VPS50: variants seen among roughly 807,000 people sequenced by gnomAD.
VPS50 encodes syndetin.
A neutral mutation model predicts 139.7 loss-of-function variants in VPS50; 70 were observed. That is an observed-to-expected ratio of 0.50 (90% CI 0.41 to 0.61). The LOEUF is 0.61. VPS50 is among the 20% of genes least tolerant of loss of function. The pLI, the probability that VPS50 is intolerant of heterozygous loss-of-function variation, is 0.00. For missense variants in VPS50, 921 were observed against 1,133.7 expected (o/e 0.81, Z 2.69); for synonymous variants, 365 against 376.7 (o/e 0.97, Z 0.36).
intron 8 of VPS50, 79 bp downstream of exon 8, chr7:93,258,471 T>C: frequency 9.7e-7 from 1 of 1,034,238 alleles, no homozygotes; most frequent in Non-Finnish European, 1.5e-6. Flanking sequence ...AGAAGTGCAT[T>C]TTTCTCAAAT....
intron 12 of VPS50, among the ~76,000 whole-genome samples, chr7:93,279,472 C>T (rs1205604393): frequency 6.6e-6 from 1 of 152,128 alleles, no homozygotes; most frequent in African/African-American, 2.4e-5. Flanking sequence ...CAAGGCATAA[C>T]TCAGGCAAGA....
intron 22 of VPS50, among the ~76,000 whole-genome samples, chr7:93,338,681 G>A (rs986909566): frequency 6.6e-6 from 1 of 152,168 alleles, no homozygotes; most frequent in East Asian, 1.9e-4. Flanking sequence ...TTGTAAACAG[G>A]TAATAGCATG....
chr7:93,236,321 T>C (rs932284893), intron 1 of VPS50, among the ~76,000 whole-genome samples: 1 of 151,836 alleles, frequency 6.6e-6, no homozygotes, highest in Non-Finnish European at 1.5e-5. Context: ...CAGGAGAAAA[T>C]AGGGGGAGAG....
At chr7:93,251,252 A>G (rs558871707) in intron 2 of VPS50, among the ~76,000 whole-genome samples, 2 of 152,340 alleles carry the variant, frequency 1.3e-5, no homozygotes, top group South Asian at 4.1e-4. Flanking sequence ...CACTATTCAC[A>G]ATAGCAGAGA....
chr7:93,353,542 T>C, intron 25 of VPS50, 98 bp from the exon 26 acceptor site: 1 of 1,337,552 alleles, frequency 7.5e-7, no homozygotes, highest in South Asian at 1.4e-5. Context: ...GGTTTGATTC[T>C]GAGTCTTTCT....
chr7:93,262,973 A>T (rs748789900), intron 9 of VPS50, among the ~76,000 whole-genome samples: 24 of 152,228 alleles, frequency 1.6e-4, no homozygotes, highest in Non-Finnish European at 3.2e-4. Flanking sequence ...ACAAAGATAA[A>T]AGACATTGTT....
chr7:93,349,708 T>C (rs1175365228), intron 24 of VPS50, among the ~76,000 whole-genome samples, 167 bp from the exon 25 acceptor site: 4 of 152,222 alleles, frequency 2.6e-5, no homozygotes, highest in African/African-American at 9.7e-5. Flanking sequence ...GAGTAAGGCC[T>C]TTGCCTTCAC....
At chr7:93,301,428 G>A (rs1266317706) in intron 16 of VPS50, among the ~76,000 whole-genome samples, 2 of 151,936 alleles carry the variant, frequency 1.3e-5, no homozygotes, top group East Asian at 1.9e-4. Context: ...TTGTAACTGC[G>A]TTTACCTTCT....
intron 11 of VPS50, chr7:93,275,810 C>G (rs1796137054): frequency 5.3e-6 from 1 of 187,904 alleles, no homozygotes; most frequent in Admixed American, 5.5e-5. Context: ...TTGAGAAGTG[C>G]ACTGAATGAT....
At chr7:93,283,244 T>C (rs1310715791) in intron 12 of VPS50, among the ~76,000 whole-genome samples, 1 of 151,566 alleles carries the variant, frequency 6.6e-6, no homozygotes, top group African/African-American at 2.4e-5. Flanking sequence ...TTTTTTTTTT[T>C]TGAGGCGGAG....
intron 27 of VPS50, among the ~76,000 whole-genome samples, chr7:93,356,986 C>T (rs1047812990): frequency 2.0e-5 from 3 of 152,060 alleles, no homozygotes; most frequent in Admixed American, 6.6e-5. Flanking sequence ...TACTCAGTTT[C>T]GGATCTTTAG....
chr7:93,242,557 T>C (rs921861304), intron 2 of VPS50, among the ~76,000 whole-genome samples: 29 of 151,840 alleles, frequency 1.9e-4, no homozygotes, highest in African/African-American at 6.8e-4. Flanking sequence ...TAGTTTTGCT[T>C]AGGGGAGTAC....
At chr7:93,332,239 C>T (rs535435678) in intron 21 of VPS50, among the ~76,000 whole-genome samples, 1 of 152,338 alleles carries the variant, frequency 6.6e-6, no homozygotes, top group South Asian at 2.1e-4. Flanking sequence ...TTCTGGCTAG[C>T]AGATGGTTGC....
At chr7:93,332,386 T>G (rs1295810303) in intron 21 of VPS50, among the ~76,000 whole-genome samples, 1 of 152,180 alleles carries the variant, frequency 6.6e-6, no homozygotes, top group African/African-American at 2.4e-5. Context: ...TAAAGCTGAT[T>G]TTATCTCCCA....
chr7:93,272,161 T>C (rs1796028395), intron 10 of VPS50, among the ~76,000 whole-genome samples: 1 of 151,826 alleles, frequency 6.6e-6, no homozygotes, highest in South Asian at 2.1e-4. Flanking sequence ...CCATAAAGCA[T>C]GGTAATTTAG....
chr7:93,294,224 C>G (rs1796735927), intron 13 of VPS50, among the ~76,000 whole-genome samples: 1 of 151,784 alleles, frequency 6.6e-6, no homozygotes, highest in Non-Finnish European at 1.5e-5. Flanking sequence ...TTCTCACAGC[C>G]TTTTACATGG....
intron 21 of VPS50, among the ~76,000 whole-genome samples, chr7:93,329,624 C>A (rs1272143927): frequency 1.3e-5 from 2 of 151,868 alleles, no homozygotes; most frequent in Admixed American, 1.3e-4. Context: ...CAGCAGAGTA[C>A]CTATGATGAA....
chr7:93,258,719 G>A (rs1157463927), intron 8 of VPS50, among the ~76,000 whole-genome samples: 1 of 151,986 alleles, frequency 6.6e-6, no homozygotes, highest in East Asian at 1.9e-4. Flanking sequence ...AGGAATGTGT[G>A]ATACTTTAGT....
At position 93,355,896 on chromosome 7, in the gene VPS50, C is replaced by A; in HGVS notation, c.2591C>A (p.Ala864Asp). ...TTTATTGTTTTGCATCTTAGATATG[C>A]CAATGTCAAGAAATGCAGTAATGAG... ...LANRTIVEGY[A>D]NVKKCSNEGR... Residue 864 changes from alanine (A) to aspartate (D), a missense_variant, in exon 27 of 28, where the codon GCC (alanine) becomes GAC (aspartate). By Grantham distance (126) the Ala-to-Asp change is moderately radical (BLOSUM62 -2). Transcript: ENST00000305866. 6.4e-7 allele frequency: 1 copy of A among 1,554,856 alleles called. No homozygotes were observed. The highest frequency in any genetic ancestry group is 8.8e-7 in the Non-Finnish European group (1 of 1,140,374).
Sources: gnomAD v4.1 joint callset for allele counts (sites outside exome capture counted in the v4.1 genomes callset) on GRCh38, gnomAD v4.1.1 for gene constraint, MANE v1.5 for transcripts, NCBI Gene and HGNC (gene_info 2026-07-23, HGNC 2026-07-21) for gene names.